The following TCF7L2 variants were observed in gnomAD, a reference collection of about 807,000 sequenced individuals.
The protein encoded by TCF7L2 is transcription factor 7 like 2, also known as transcription factor 7-like 2.
A neutral mutation model predicts 77.9 loss-of-function variants in TCF7L2; 23 were observed. That is an observed-to-expected ratio of 0.30 (90% CI 0.21 to 0.42). The LOEUF is 0.42. TCF7L2 is among the 10% of genes least tolerant of loss of function. The pLI, the probability that TCF7L2 is intolerant of heterozygous loss-of-function variation, is 1.00. For missense variants in TCF7L2, 654 were observed against 793.1 expected (o/e 0.82, Z 2.11); for synonymous variants, 413 against 340.2 (o/e 1.21, Z -2.36).
intron 4 of TCF7L2, among the ~76,000 whole-genome samples, chr10:112,996,483 T>C (rs1469427109): frequency 1.3e-5 from 2 of 152,200 alleles, no homozygotes; most frequent in African/African-American, 4.8e-5. Context: ...AGGATCCAGA[T>C]GGTTGCACTC....
intron 4 of TCF7L2, among the ~76,000 whole-genome samples, chr10:112,981,662 T>G (rs889461910): frequency 6.6e-6 from 1 of 152,228 alleles, no homozygotes; most frequent in African/African-American, 2.4e-5. Context: ...ACCAATGATG[T>G]GACTTGTAAA....
chr10:113,050,969 G>C (rs1404743600), intron 5 of TCF7L2, among the ~76,000 whole-genome samples: 1 of 152,066 alleles, frequency 6.6e-6, no homozygotes, highest in African/African-American at 2.4e-5. Flanking sequence ...AATGGAGTAA[G>C]GTTCTGAAGC....
At chr10:113,143,012 G>A (rs556042857) in intron 6 of TCF7L2, among the ~76,000 whole-genome samples, 41 of 152,202 alleles carry the variant, frequency 2.7e-4, no homozygotes, top group Non-Finnish European at 5.3e-4. Flanking sequence ...AAATGAAGTC[G>A]TTTTCGTCCA....
At chr10:112,972,810 G>A (rs1293609199) in intron 4 of TCF7L2, among the ~76,000 whole-genome samples, 2 of 152,122 alleles carry the variant, frequency 1.3e-5, no homozygotes, top group African/African-American at 4.8e-5. Flanking sequence ...CAACACAGAG[G>A]GAAATTTGAA....
chr10:113,052,011 A>G (rs2134587559), intron 5 of TCF7L2, among the ~76,000 whole-genome samples: 1 of 152,334 alleles, frequency 6.6e-6, no homozygotes, highest in Middle Eastern at 3.4e-3. Flanking sequence ...TTGTATTACT[A>G]GAAGCATTAT....
At chr10:113,037,616 C>A (rs938849021) in intron 4 of TCF7L2, among the ~76,000 whole-genome samples, 1 of 152,140 alleles carries the variant, frequency 6.6e-6, no homozygotes, top group African/African-American at 2.4e-5. Flanking sequence ...AATTATAAGT[C>A]TCCATGTTAA....
intron 2 of TCF7L2, 76 bp downstream of exon 2, chr10:112,951,349 C>CGCCCGGCTCGGCCTGGCCCTGCGCCG: frequency 1.0e-6 from 1 of 983,934 alleles, no homozygotes; most frequent in Non-Finnish European, 1.2e-6. Flanking sequence ...CCCGGCCCCG[C>CGCCCGGCTCGGCCTGGCCCTGCGCCG]GCCCGGCTCG....
chr10:113,114,003 T>G (rs2063445076), intron 5 of TCF7L2, among the ~76,000 whole-genome samples: 1 of 152,356 alleles, frequency 6.6e-6, no homozygotes, highest in South Asian at 2.1e-4. Context: ...CATAGTCTCA[T>G]GATTGTTAAA....
At chr10:113,085,290 G>A (rs1413971316) in intron 5 of TCF7L2, among the ~76,000 whole-genome samples, 2 of 149,538 alleles carry the variant, frequency 1.3e-5, no homozygotes, top group African/African-American at 4.9e-5. Flanking sequence ...GTCTAGTCTT[G>A]AACTCTTGAG....
chr10:113,080,863 T>G (rs1343490021), intron 5 of TCF7L2, among the ~76,000 whole-genome samples: 1 of 152,192 alleles, frequency 6.6e-6, no homozygotes, highest in Non-Finnish European at 1.5e-5. Flanking sequence ...GAAAATAGTG[T>G]GTTATTATCT....
chr10:113,085,829 G>A (rs1591504513), intron 5 of TCF7L2, among the ~76,000 whole-genome samples: 3 of 152,320 alleles, frequency 2.0e-5, no homozygotes, highest in Middle Eastern at 3.4e-3. Context: ...GTCACAAATA[G>A]GCAGTGTTTC....
intron 4 of TCF7L2, among the ~76,000 whole-genome samples, chr10:113,004,743 G>T (rs1337395674): frequency 2.0e-5 from 3 of 151,882 alleles, no homozygotes; most frequent in African/African-American, 7.3e-5. Flanking sequence ...TGCCATCTTG[G>T]CTCGCTGCAA....
chr10:113,138,498 G>A (rs2067779446), intron 5 of TCF7L2, among the ~76,000 whole-genome samples: 1 of 152,150 alleles, frequency 6.6e-6, no homozygotes, highest in South Asian at 2.1e-4. Flanking sequence ...TAGAGAAAGA[G>A]GGTTTTCCCC....
chr10:113,147,759 G>A (rs1032658686), intron 8 of TCF7L2, among the ~76,000 whole-genome samples: 1 of 152,114 alleles, frequency 6.6e-6, no homozygotes, highest in African/African-American at 2.4e-5. Flanking sequence ...GGTGCGTTCT[G>A]GAGGTTAACA....
Position 113,151,700 on chromosome 10 carries a change from T to C in TCF7L2, c.1002-25T>C, listed in dbSNP as rs2137149241. 2 of 1,564,910 alleles carry C rather than the reference T, an allele frequency of 1.3e-6. No homozygotes were observed. Among genetic ancestry groups the C allele is most frequent in the Non-Finnish European group, 1.7e-6 (2 of 1,163,252 alleles). On this transcript the variant is annotated intron_variant, in intron 9 of 13. Transcript: ENST00000627217. The surrounding 1 kb of genome is among the most constrained non-coding windows in gnomAD (Gnocchi z 5.2). Reference sequence around the variant, plus strand: ...TTGGACCACGACCTTGTTTATTGGGTTGCGTCTGTTTTGTCTATCTCCAGA... The same window carrying C: ...TTGGACCACGACCTTGTTTATTGGGCTGCGTCTGTTTTGTCTATCTCCAGA...
intron 7 of TCF7L2, 116 bp from the exon 8 acceptor site, chr10:113,145,895 C>CTTGGGGAT: frequency 1.2e-6 from 1 of 826,642 alleles, no homozygotes; most frequent in Non-Finnish European, 2.0e-6. Flanking sequence ...GATTTTTGTT[C>CTTGGGGAT]TGATCAAATG....
At chr10:113,131,334 T>C (rs547868905) in intron 5 of TCF7L2, among the ~76,000 whole-genome samples, 6 of 152,344 alleles carry the variant, frequency 3.9e-5, no homozygotes, top group African/African-American at 1.2e-4. Context: ...CGTAAAATAA[T>C]GATGGGTGTA....
At chr10:113,111,443 T>A (rs2063117275) in intron 5 of TCF7L2, among the ~76,000 whole-genome samples, 1 of 152,212 alleles carries the variant, frequency 6.6e-6, no homozygotes, top group African/African-American at 2.4e-5. Context: ...AGGAAGAGTC[T>A]ACTGTGTTTA....
rs1454178655 is a variant in TCF7L2 at position 113,167,599 on chromosome 10, A to G, written c.*1627A>G. The G allele has an allele frequency of 1.5e-5, 3 of 202,390 alleles. No homozygotes were observed. Among genetic ancestry groups the G allele is most frequent in the Non-Finnish European group, 3.0e-5 (3 of 98,628 alleles). The allele number at this position is 202,390 out of a possible 1,614,324, so 12.5% of individuals were successfully genotyped here. A position where few individuals can be genotyped will look rare whatever the true frequency, so the allele number is the denominator to read the frequency against. ...TAATGGTTTGGAAGCCATTTTTGTA[A>G]TGAATAAATGTTCATGCTGTACAGT... On this transcript the variant is annotated 3_prime_UTR_variant, in exon 14 of 14. Coordinates refer to ENST00000627217, the MANE Select transcript of TCF7L2 (RefSeq NM_001146274.2).
Sources: allele counts gnomAD v4.1 joint callset (sites outside exome capture counted in the v4.1 genomes callset), GRCh38; gene constraint gnomAD v4.1.1; non-coding constraint Gnocchi (gnomAD v3.1); transcripts MANE v1.5; gene names NCBI Gene and HGNC (gene_info 2026-07-23, HGNC 2026-07-21).